The following PCDHGB5 variants were observed in gnomAD, a reference collection of about 807,000 sequenced individuals.
PCDHGB5 encodes protocadherin gamma subfamily B, 5.
A neutral mutation model predicts 62.9 loss-of-function variants in PCDHGB5; 48 were observed. The observed-to-expected ratio is 0.76, with a 90% CI of 0.61 to 0.97. PCDHGB5 has a LOEUF of 0.97. Among genes scored for constraint, PCDHGB5 ranks in the 50% least tolerant of loss-of-function variants. The pLI is 0.00. For synonymous variants in PCDHGB5, 474 were observed against 511.2 expected (o/e 0.93, Z 0.98); for missense variants, 1,118 against 1,198.6 (o/e 0.93, Z 0.99).
intron 1 of PCDHGB5, chr5:141,407,971 G>T (rs1399304138): frequency 2.8e-6 from 2 of 717,762 alleles, no homozygotes; most frequent in Non-Finnish European, 4.3e-6. Context: ...AAGCGCTGAC[G>T]CCGGGGATCC....
At chr5:141,438,621 TATATATATATATATACAC>T (rs1369797568) in intron 1 of PCDHGB5, among the ~76,000 whole-genome samples, 6 of 41,386 alleles carry the variant, frequency 1.4e-4, no homozygotes, top group South Asian at 9.0e-4. Context: ...TATATATATA[TATATATATATATATACAC>T]ACACACACAC....
chr5:141,490,604 A>T lies in PCDHGB5; in HGVS notation c.2398-4203A>T, dbSNP rs749528675. ...GTCAATGACAATGCACCCCGCTTCA[A>T]CCAGCAGCTTTACACTGCTTACATC... On this transcript the variant is annotated intron_variant, in intron 1 of 3. Transcript: ENST00000617380. The surrounding 1 kb of genome is among the most constrained non-coding windows in gnomAD (Gnocchi z 5.4). 6.2e-7 allele frequency: 1 copy of T among 1,614,192 alleles called. No homozygotes were observed. The highest frequency in any genetic ancestry group is 8.5e-7 in the Non-Finnish European group (1 of 1,180,022).
chr5:141,476,551 C>G lies in PCDHGB5; in HGVS notation c.2398-18256C>G, dbSNP rs367700651. ...CCCAGGAAATGAAATTGGAGATTAG[C>G]GAGGCCGTGGCTCCGGGGACGCGCT... On this transcript the variant is annotated intron_variant, in intron 1 of 3. Transcript: ENST00000617380. The surrounding 1 kb of genome is among the most constrained non-coding windows in gnomAD (Gnocchi z 7.6). 128 of 1,614,078 alleles carry G rather than the reference C, an allele frequency of 7.9e-5. No homozygotes were observed. Among genetic ancestry groups the G allele is most frequent in the Non-Finnish European group, 1.0e-4 (122 of 1,180,034 alleles).
intron 1 of PCDHGB5, among the ~76,000 whole-genome samples, chr5:141,451,630 C>T (rs899343801): frequency 2.0e-5 from 3 of 152,132 alleles, no homozygotes; most frequent in Non-Finnish European, 2.9e-5. Flanking sequence ...ACCTGTAATT[C>T]CAGCACTCTG....
intron 1 of PCDHGB5, among the ~76,000 whole-genome samples, chr5:141,444,503 T>C (rs2098438734): frequency 6.6e-6 from 1 of 152,088 alleles, no homozygotes; most frequent in Non-Finnish European, 1.5e-5. Flanking sequence ...AATACTTTGC[T>C]CTAGCAGTAT....
intron 1 of PCDHGB5, among the ~76,000 whole-genome samples, chr5:141,443,866 T>C (rs1017854695): frequency 6.6e-6 from 1 of 151,986 alleles, no homozygotes; most frequent in Non-Finnish European, 1.5e-5. Context: ...ACTGAAAAAA[T>C]TACTGATAAG....
chr5:141,485,229 T>G lies in PCDHGB5; in HGVS notation c.2398-9578T>G, dbSNP rs2099609870. ...ATCTGGCGGTGGGCTACCCTTTTGT[T>G]CCTCTTTTACCACCTGGGTTACGTT... is the stretch of plus-strand genomic sequence containing the variant. On this transcript the variant is annotated intron_variant, in intron 1 of 3. Coordinates refer to ENST00000617380, the MANE Select transcript of PCDHGB5 (RefSeq NM_018925.3). The surrounding 1 kb of genome is among the most constrained non-coding windows in gnomAD (Gnocchi z 5.7). 6.2e-7 allele frequency: 1 copy of G among 1,614,042 alleles called. No individual in the cohort carries two copies. The highest frequency in any genetic ancestry group is 8.5e-7 in the Non-Finnish European group (1 of 1,180,030).
chr5:141,413,049 A>C (rs2095599926), intron 1 of PCDHGB5: 5 of 904,176 alleles, frequency 5.5e-6, no homozygotes, highest in Non-Finnish European at 8.1e-6. Context: ...GCTGCAGGGA[A>C]GCTCACTCCA....
intron 2 of PCDHGB5, among the ~76,000 whole-genome samples, chr5:141,496,392 C>T (rs6879760): frequency 0.064 from 9,762 of 152,240 alleles, 510 homozygotes; most frequent in African/African-American, 0.15. Context: ...CCTTACCCTA[C>T]CTCCTCAATG....
At chr5:141,436,473 C>CA (rs2097825744) in intron 1 of PCDHGB5, among the ~76,000 whole-genome samples, 1 of 152,112 alleles carries the variant, frequency 6.6e-6, no homozygotes, top group Non-Finnish European at 1.5e-5. Context: ...TCAGATGTAT[C>CA]ATAGAAGGAT....
chr5:141,489,150 T>C lies in PCDHGB5; in HGVS notation c.2398-5657T>C. The C allele has an allele frequency of 1.7e-5, 15 of 862,654 alleles. No individual in the cohort carries two copies. Among genetic ancestry groups the C allele is most frequent in the Middle Eastern group, 2.5e-4 (1 of 4,044 alleles). 53.4% of individuals were successfully genotyped at this position (862,654 alleles called of 1,614,324 possible). On this transcript the variant is annotated intron_variant, in intron 1 of 3. Transcript: ENST00000617380. The surrounding 1 kb of genome is among the most constrained non-coding windows in gnomAD (Gnocchi z 4.5). ...GTTTTTAAGAGGCTGGAAGGAGACA[T>C]AAGAGACTTCAGCTGCTGCATTCCA...
At chr5:141,464,415 C>A (rs1185416197) in intron 1 of PCDHGB5, among the ~76,000 whole-genome samples, 2 of 150,854 alleles carry the variant, frequency 1.3e-5, no homozygotes, top group Admixed American at 6.6e-5. Context: ...ATATATATAT[C>A]TATATATATA....
Position 141,491,965 on chromosome 5 carries a change from G to A in PCDHGB5, c.2398-2842G>A. 1 of 946,810 alleles carries A rather than the reference G, an allele frequency of 1.1e-6. No individual in the cohort carries two copies. Among genetic ancestry groups the A allele is most frequent in the Non-Finnish European group, 1.5e-6 (1 of 672,398 alleles). 58.7% of individuals were successfully genotyped at this position (946,810 alleles called of 1,614,324 possible). On this transcript the variant is annotated intron_variant, in intron 1 of 3. Coordinates refer to ENST00000617380, the MANE Select transcript of PCDHGB5 (RefSeq NM_018925.3). The surrounding 1 kb of genome is among the most constrained non-coding windows in gnomAD (Gnocchi z 6.9). ...CCCACCCCTACACTCAAAAAAGGCC[G>A]GGGCCTCCTTCGAGCTTCCGGTGAA...
intron 1 of PCDHGB5, 102 bp from the exon 2 acceptor site, chr5:141,494,705 G>A (rs2099756254): frequency 1.3e-6 from 2 of 1,597,990 alleles, no homozygotes; most frequent in East Asian, 2.2e-5. Context: ...TTTCTTCTCT[G>A]TGCCCACTCC....
Position 141,421,812 on chromosome 5 carries a change from A to G in PCDHGB5, c.2397+21288A>G, listed in dbSNP as rs779804436. On this transcript the variant is annotated intron_variant, in intron 1 of 3. Transcript: ENST00000617380. ...CGGATGGGGCCAAGAATCCAGAGCTAGTACTGGAGGGAAGCCTGGACCGAG... is the reference window on the plus strand; with the variant it reads ...CGGATGGGGCCAAGAATCCAGAGCTGGTACTGGAGGGAAGCCTGGACCGAG... 9.9e-6 allele frequency: 16 copies of G among 1,613,704 alleles called. 1 individual carries two copies. In the South Asian group the frequency reaches 1.5e-4, roughly 16 times the overall value.
rs575694126 is a variant in PCDHGB5 at position 141,399,993 on chromosome 5, G to A, written c.1866G>A (p.Val622=). 3.1e-5 allele frequency: 50 copies of A among 1,612,336 alleles called. 1 individual carries two copies. Among genetic ancestry groups the A allele is most frequent in the Middle Eastern group, 1.8e-4 (1 of 5,462 alleles). Residue 622 remains valine (V), a synonymous_variant, in exon 1 of 4, where the codon GTG becomes GTA. Transcript: ENST00000617380. ...GCCTGGGGCTGCGCACAGGAGAGGT[G>A]CGCACAGCGCGTGCCTTGGGCGACA... ...LFSLGLRTGE[V]RTARALGDRD...
rs114847835 is a variant in PCDHGB5, at chr5:141,486,500, C to T, written c.2398-8307C>T. The T allele has an allele frequency of 6.2e-6, 10 of 1,614,008 alleles. No homozygotes were observed. The East Asian group carries it at 1.8e-4, about 29-fold the overall frequency. On this transcript the variant is annotated intron_variant, in intron 1 of 3. Coordinates refer to ENST00000617380, the MANE Select transcript of PCDHGB5 (RefSeq NM_018925.3). This position sits in a 1 kb window ranked among gnomAD's most constrained non-coding sequence, Gnocchi z 5.0. ...TCTCAGTACCCACAGAACTATTTTCCTCAATATTTCAGATGTGAATGATAA... is the reference window on the plus strand; with the variant it reads ...TCTCAGTACCCACAGAACTATTTTCTTCAATATTTCAGATGTGAATGATAA...
chr5:141,428,043 A>C (rs765740380), intron 1 of PCDHGB5: 1 of 1,608,722 alleles, frequency 6.2e-7, no homozygotes, highest in South Asian at 1.1e-5. Context: ...CTACCTGGTG[A>C]CCAAGGTGGT....
chr5:141,405,041 G>A (rs1276032851), intron 1 of PCDHGB5: 1 of 1,613,976 alleles, frequency 6.2e-7, no homozygotes, highest in Non-Finnish European at 8.5e-7. Flanking sequence ...CGTTGTGGCT[G>A]TGGCAGTCGT....
Sources: gnomAD v4.1 joint callset for allele counts (sites outside exome capture counted in the v4.1 genomes callset) on GRCh38, gnomAD v4.1.1 for gene constraint, Gnocchi (gnomAD v3.1) non-coding constraint, MANE v1.5 for transcripts, NCBI Gene and HGNC (gene_info 2026-07-23, HGNC 2026-07-21) for gene names.